The following LRRC4C variants were observed in gnomAD, a reference collection of about 807,000 sequenced individuals.
The protein encoded by LRRC4C is leucine-rich repeat-containing protein 4C.
In LRRC4C, 5 loss-of-function variants were observed where a neutral mutation model predicts 33.6. The observed-to-expected ratio is 0.15, with a 90% CI of 0.08 to 0.31. The LOEUF is 0.31. Among genes scored for constraint, LRRC4C ranks in the 10% least tolerant of loss-of-function variants. The pLI is 1.00. For missense variants in LRRC4C, 560 were observed against 796.7 expected (o/e 0.70, Z 3.58); for synonymous variants, 329 against 302.0 (o/e 1.09, Z -0.93).
intron 4 of LRRC4C, among the ~76,000 whole-genome samples, chr11:40,276,674 A>AGTGTGTGTGTGTGTGT (rs56155922): frequency 1.1e-4 from 14 of 127,548 alleles, no homozygotes; most frequent in East Asian, 4.9e-4. Flanking sequence ...GTGGGAAACA[A>AGTGTGTGTGTGTGTGT]GTGTGTGTGT....
intron 1 of LRRC4C, among the ~76,000 whole-genome samples, chr11:41,165,609 A>G (rs890484764): frequency 4.6e-5 from 7 of 152,158 alleles, no homozygotes; most frequent in Non-Finnish European, 7.3e-5. Flanking sequence ...TCGCTCTACT[A>G]TGCAGGTAAG....
At chr11:40,442,027 G>C (rs949239686) in intron 3 of LRRC4C, among the ~76,000 whole-genome samples, 1 of 151,932 alleles carries the variant, frequency 6.6e-6, no homozygotes, top group Non-Finnish European at 1.5e-5. Flanking sequence ...GCTGGATGTG[G>C]TGGCAGGCGA....
intron 4 of LRRC4C, among the ~76,000 whole-genome samples, chr11:40,318,721 C>A (rs574720253): frequency 6.6e-6 from 1 of 152,278 alleles, no homozygotes; most frequent in South Asian, 2.1e-4. Flanking sequence ...GTTCCCTCCA[C>A]CTGCTCTTTA....
At chr11:41,406,441 C>G (rs903777194) in intron 1 of LRRC4C, among the ~76,000 whole-genome samples, 3 of 152,058 alleles carry the variant, frequency 2.0e-5, no homozygotes, top group African/African-American at 7.2e-5. Flanking sequence ...GATTCTTCAT[C>G]ATTGCGTGGG....
At chr11:40,209,574 G>A (rs371540735) in intron 5 of LRRC4C, among the ~76,000 whole-genome samples, 2 of 151,926 alleles carry the variant, frequency 1.3e-5, no homozygotes, top group Non-Finnish European at 2.9e-5. Context: ...ATGGAGTCTC[G>A]CTCTGTCACC....
chr11:40,970,260 A>T (rs1237903158), intron 1 of LRRC4C, among the ~76,000 whole-genome samples: 1 of 152,152 alleles, frequency 6.6e-6, no homozygotes. Context: ...GGCCTGGTGA[A>T]AACTGATTGG....
chr11:40,850,783 AG>A (rs1953445740), intron 2 of LRRC4C, among the ~76,000 whole-genome samples: 1 of 152,192 alleles, frequency 6.6e-6, no homozygotes, highest in Non-Finnish European at 1.5e-5. Context: ...TTTATCTATA[AG>A]TCCCTGACTG....
At chr11:40,497,429 G>A (rs1954522367) in intron 3 of LRRC4C, among the ~76,000 whole-genome samples, 1 of 151,734 alleles carries the variant, frequency 6.6e-6, no homozygotes, top group African/African-American at 2.4e-5. Context: ...AATTATTTAA[G>A]TAGAAAAAAT....
In LRRC4C at chr11:40,925,135, C is replaced by G. The variant is rs555118262; in HGVS notation, c.-407+8500G>C. 1.2e-4 allele frequency among the ~76,000 whole-genome samples: 18 copies of G among 152,084 alleles called. No individual in the cohort carries two copies. The South Asian group carries it at 3.5e-3, about 30-fold the overall frequency. ...CATCCCCAAATATTTCTCTCTCTCT[C>G]TCTCTCTCTCTTTCCTGTGTATCAT... On this transcript the variant is annotated intron_variant, in intron 2 of 6. Transcript: ENST00000528697.
chr11:41,239,151 TA>T (rs71466925), intron 1 of LRRC4C, among the ~76,000 whole-genome samples: 41,586 of 112,684 alleles, frequency 0.37, 7,582 homozygotes, highest in Non-Finnish European at 0.44. Flanking sequence ...CCGTCTCTAC[TA>T]AAAAAAAAAA....
At chr11:41,386,956 A>G (rs921990909) in intron 1 of LRRC4C, among the ~76,000 whole-genome samples, 2 of 151,760 alleles carry the variant, frequency 1.3e-5, no homozygotes, top group East Asian at 3.9e-4. Flanking sequence ...TTAGCAATCA[A>G]ATATTATAGC....
At chr11:40,834,342 A>G (rs1952557645) in intron 2 of LRRC4C, among the ~76,000 whole-genome samples, 1 of 151,940 alleles carries the variant, frequency 6.6e-6, no homozygotes, top group East Asian at 1.9e-4. Flanking sequence ...ATGGTGGTAC[A>G]CATCTGTAAT....
At chr11:40,915,961 T>G (rs577700042) in intron 2 of LRRC4C, among the ~76,000 whole-genome samples, 55 of 151,856 alleles carry the variant, frequency 3.6e-4, no homozygotes, top group African/African-American at 1.3e-3. Flanking sequence ...CATCATCACT[T>G]GCCATCAGAG....
intron 1 of LRRC4C, among the ~76,000 whole-genome samples, chr11:41,081,954 G>C (rs958731441): frequency 2.0e-5 from 3 of 152,070 alleles, no homozygotes; most frequent in African/African-American, 7.2e-5. Context: ...TCTCCCTATG[G>C]GCAGCTGCTT....
intron 1 of LRRC4C, among the ~76,000 whole-genome samples, chr11:40,937,153 T>C (rs1428703232): frequency 6.6e-6 from 1 of 152,172 alleles, no homozygotes; most frequent in Non-Finnish European, 1.5e-5. Context: ...AATAAAATCA[T>C]GTCCTTTGCA....
In LRRC4C at chr11:41,224,690, G is replaced by A. The variant is rs117338600; in HGVS notation, c.-496+234741C>T. ...CTGTATTCAATCTTGAAATGTCAAC[G>A]TACTCATTAGCCTATGGCTATAATT... On this transcript the variant is annotated intron_variant, in intron 1 of 6. Coordinates refer to ENST00000528697, the MANE Select transcript of LRRC4C (RefSeq NM_001258419.2). Among the ~76,000 whole-genome samples the A allele has an allele frequency of 3.7e-3, 568 of 152,264 alleles. 22 individuals carry two copies. In the East Asian group the frequency reaches 0.095, roughly 25 times the overall value.
intron 6 of LRRC4C, among the ~76,000 whole-genome samples, chr11:40,137,760 G>A (rs1857080755): frequency 6.6e-6 from 1 of 152,260 alleles, no homozygotes; most frequent in East Asian, 1.9e-4. Context: ...TATAAAATGT[G>A]TGTGGTAGCA....
intron 3 of LRRC4C, among the ~76,000 whole-genome samples, chr11:40,585,471 T>C (rs557283269): frequency 7.4e-6 from 1 of 135,420 alleles, no homozygotes; most frequent in South Asian, 2.4e-4. Flanking sequence ...TTGAATTTGT[T>C]ATTTCTTTTT....
intron 1 of LRRC4C, among the ~76,000 whole-genome samples, chr11:41,075,916 T>C (rs1216833554): frequency 1.3e-5 from 2 of 152,202 alleles, no homozygotes; most frequent in Non-Finnish European, 2.9e-5. Flanking sequence ...CTAATCTTCT[T>C]GAACAACTTT....
Sources: gnomAD v4.1 joint callset for allele counts (sites outside exome capture counted in the v4.1 genomes callset) on GRCh38, gnomAD v4.1.1 for gene constraint, MANE v1.5 for transcripts, NCBI Gene and HGNC (gene_info 2026-07-23, HGNC 2026-07-21) for gene names.